SORCS2: variants seen among roughly 807,000 people sequenced by gnomAD.
SORCS2 encodes the protein sortilin related VPS10 domain containing receptor 2.
In SORCS2, 100 loss-of-function variants were observed where a neutral mutation model predicts 141.6. The observed-to-expected ratio is 0.71, with a 90% CI of 0.60 to 0.83. The LOEUF (loss-of-function observed/expected upper bound fraction) is 0.83. SORCS2 is among the 40% of genes least tolerant of loss of function. The pLI, the probability that SORCS2 is intolerant of heterozygous loss-of-function variation, is 0.00. For missense variants in SORCS2, 1,646 were observed against 1,560.2 expected (o/e 1.05, Z -0.93); for synonymous variants, 789 against 676.9 (o/e 1.17, Z -2.57).
chr4:7,535,814 CA>C (rs1477552654), intron 3 of SORCS2, among the ~76,000 whole-genome samples: 1 of 138,142 alleles, frequency 7.2e-6, no homozygotes, highest in Non-Finnish European at 1.5e-5. Context: ...CTGTGCCAGG[CA>C]TGGGGGGCAT....
At chr4:7,321,064 A>C (rs528902462) in intron 1 of SORCS2, among the ~76,000 whole-genome samples, 1 of 152,158 alleles carries the variant, frequency 6.6e-6, no homozygotes, top group East Asian at 1.9e-4. Flanking sequence ...ATTGTATCCA[A>C]TATGTAATTT....
intron 3 of SORCS2, among the ~76,000 whole-genome samples, chr4:7,607,458 C>T (rs1718132579): frequency 6.6e-6 from 1 of 152,122 alleles, no homozygotes; most frequent in African/African-American, 2.4e-5. Context: ...CTCCATAAGC[C>T]CCCTTTGACC....
chr4:7,344,685 G>A (rs1462344377), intron 1 of SORCS2, among the ~76,000 whole-genome samples: 1 of 152,192 alleles, frequency 6.6e-6, no homozygotes, highest in Non-Finnish European at 1.5e-5. Flanking sequence ...CCCACACTGG[G>A]CCAGGAGGTG....
chr4:7,497,829 C>T (rs1731722866), intron 2 of SORCS2, among the ~76,000 whole-genome samples: 1 of 152,278 alleles, frequency 6.6e-6, no homozygotes, highest in African/African-American at 2.4e-5. Context: ...TCCAGAAAAT[C>T]CATGGCCTAA....
chr4:7,409,526 T>G (rs1725173898), intron 2 of SORCS2, among the ~76,000 whole-genome samples: 1 of 152,190 alleles, frequency 6.6e-6, no homozygotes, highest in African/African-American at 2.4e-5. Flanking sequence ...TCAGGGATAT[T>G]TCTCCCTTCA....
At chr4:7,228,153 C>T (rs947467863) in intron 1 of SORCS2, among the ~76,000 whole-genome samples, 1 of 152,128 alleles carries the variant, frequency 6.6e-6, no homozygotes, top group African/African-American at 2.4e-5. Context: ...GGTTTTCTTC[C>T]GAGGCCCCGC....
intron 2 of SORCS2, among the ~76,000 whole-genome samples, chr4:7,489,072 A>G (rs1371944753): frequency 6.6e-6 from 1 of 152,220 alleles, no homozygotes; most frequent in Non-Finnish European, 1.5e-5. Flanking sequence ...TCATGAACCC[A>G]CATTTCAGTT....
intron 2 of SORCS2, among the ~76,000 whole-genome samples, chr4:7,400,739 A>C (rs911890445): frequency 6.6e-6 from 1 of 151,996 alleles, no homozygotes; most frequent in African/African-American, 2.4e-5. Context: ...GGACAGATGG[A>C]TGAATGGATT....
chr4:7,540,464 T>G (rs2109582798), intron 3 of SORCS2, among the ~76,000 whole-genome samples: 1 of 152,242 alleles, frequency 6.6e-6, no homozygotes, highest in South Asian at 2.1e-4. Flanking sequence ...CGCCTGTGCT[T>G]TGTGGGACCC....
chr4:7,543,482 CCCACTCATCCATCCAT>C (rs1712868250), intron 3 of SORCS2, among the ~76,000 whole-genome samples: 1 of 98,070 alleles, frequency 1.0e-5, no homozygotes, highest in African/African-American at 3.8e-5. Context: ...CATCCATTCA[CCCACTCATCCATCCAT>C]CCATCCATCC....
intron 1 of SORCS2, among the ~76,000 whole-genome samples, chr4:7,387,770 ATG>A (rs1723520904): frequency 8.2e-6 from 1 of 121,850 alleles, no homozygotes; most frequent in African/African-American, 2.7e-5. Context: ...AAATACACAC[ATG>A]CACACACACA....
chr4:7,327,778 G>A (rs1287281312), intron 1 of SORCS2, among the ~76,000 whole-genome samples: 1 of 152,132 alleles, frequency 6.6e-6, no homozygotes, highest in African/African-American at 2.4e-5. Flanking sequence ...CTTCCTGAGT[G>A]CATGAGGGCT....
chr4:7,587,850 C>T (rs574032385), intron 3 of SORCS2, among the ~76,000 whole-genome samples: 7 of 152,254 alleles, frequency 4.6e-5, no homozygotes, highest in African/African-American at 1.7e-4. Context: ...CCCGTTAGGC[C>T]GGCCCATCCA....
At chr4:7,538,386 G>A (rs1283993306) in intron 3 of SORCS2, among the ~76,000 whole-genome samples, 26 of 152,322 alleles carry the variant, frequency 1.7e-4, no homozygotes, top group Non-Finnish European at 1.5e-5. Context: ...CCCCTGCAAT[G>A]CTCAGATCAG....
chr4:7,512,863 C>A (rs1732748633), intron 2 of SORCS2, among the ~76,000 whole-genome samples: 1 of 152,142 alleles, frequency 6.6e-6, no homozygotes, highest in African/African-American at 2.4e-5. Flanking sequence ...CAGCTTCCTT[C>A]CAAAGCCCAG....
chr4:7,230,998 C>CCA (rs1711833654), intron 1 of SORCS2, among the ~76,000 whole-genome samples: 1 of 146,404 alleles, frequency 6.8e-6, no homozygotes, highest in African/African-American at 2.5e-5. Flanking sequence ...CTATCTGTAT[C>CCA]TATATCCATA....
At position 7,719,881 on chromosome 4, in the gene SORCS2, C is replaced by T. The variant is rs571495390; in HGVS notation, c.2424+1698C>T. Among the ~76,000 whole-genome samples the T allele has an allele frequency of 2.0e-4, 30 of 152,228 alleles. No individual in the cohort carries two copies. The East Asian group carries it at 3.1e-3, about 16-fold the overall frequency. On this transcript the variant is annotated intron_variant, in intron 18 of 26. Coordinates refer to ENST00000507866, the MANE Select transcript of SORCS2 (RefSeq NM_020777.3). Reference sequence around the variant, plus strand: ...CTCTGCTGGCAGGAGCTGGAGTTGGCGGAAGTGAAGAGAGTGATCAAAAGA... The same window carrying T: ...CTCTGCTGGCAGGAGCTGGAGTTGGTGGAAGTGAAGAGAGTGATCAAAAGA...
rs530394000 is a variant in SORCS2 at position 7,310,717 on chromosome 4, C to T, written c.481-85571C>T. Among the ~76,000 whole-genome samples, 11 of 152,324 alleles carry T rather than the reference C, an allele frequency of 7.2e-5. No individual in the cohort carries two copies. The South Asian group carries it at 1.9e-3, about 26-fold the overall frequency. On this transcript the variant is annotated intron_variant, in intron 1 of 26. Coordinates refer to ENST00000507866, the MANE Select transcript of SORCS2 (RefSeq NM_020777.3). ...TGAGTCTGCAGAGTCTTCCACGGTT[C>T]TGACCTTGGATTTGAGTTTGTCCCT...
intron 2 of SORCS2, among the ~76,000 whole-genome samples, chr4:7,513,269 C>A (rs377592544): frequency 1.3e-5 from 2 of 152,320 alleles, no homozygotes; most frequent in East Asian, 3.9e-4. Flanking sequence ...GGGTTATTGC[C>A]GTGGATGAGT....
Sources: allele counts gnomAD v4.1 joint callset (sites outside exome capture counted in the v4.1 genomes callset), GRCh38; gene constraint gnomAD v4.1.1; transcripts MANE v1.5; gene names NCBI Gene and HGNC (gene_info 2026-07-23, HGNC 2026-07-21).